The following MAGI1 variants were observed in gnomAD, a reference collection of about 807,000 sequenced individuals.
MAGI1 encodes membrane associated guanylate kinase, WW and PDZ domain containing 1.
Under a neutral mutation model 139.9 loss-of-function variants are expected in MAGI1, and 58 were observed. The observed-to-expected ratio is 0.41, with a 90% CI of 0.34 to 0.52. The LOEUF (loss-of-function observed/expected upper bound fraction) is 0.52, where lower values mean the gene tolerates loss of function less well. Among genes scored for constraint, MAGI1 ranks in the 20% least tolerant of loss-of-function variants. MAGI1 has a pLI of 0.12. For synonymous variants in MAGI1, 812 were observed against 737.9 expected (o/e 1.10, Z -1.63); for missense variants, 1,874 against 1,901.6 (o/e 0.99, Z 0.27).
At chr3:65,399,483 G>A (rs1944678490) in intron 13 of MAGI1, among the ~76,000 whole-genome samples, 1 of 152,198 alleles carries the variant, frequency 6.6e-6, no homozygotes, top group African/African-American at 2.4e-5. Context: ...GTGTGTGCCA[G>A]CAATGCTGTG....
At chr3:65,391,904 T>C (rs982849482) in intron 13 of MAGI1, among the ~76,000 whole-genome samples, 8 of 152,198 alleles carry the variant, frequency 5.3e-5, no homozygotes, top group African/African-American at 1.4e-4. Context: ...AAATCATGCC[T>C]AGTATTATAT....
intron 1 of MAGI1, among the ~76,000 whole-genome samples, chr3:65,967,736 C>T (rs1417209968): frequency 6.6e-6 from 1 of 152,234 alleles, no homozygotes; most frequent in Non-Finnish European, 1.5e-5. Flanking sequence ...CCAGGCCTGT[C>T]TTTAAGTACT....
chr3:65,854,127 A>T (rs1575717378), intron 1 of MAGI1, among the ~76,000 whole-genome samples: 2 of 151,902 alleles, frequency 1.3e-5, no homozygotes, highest in African/African-American at 4.8e-5. Context: ...AGTTGCCCTG[A>T]CAAAAACAGG....
chr3:65,567,136 G>A (rs1380834936), intron 2 of MAGI1, among the ~76,000 whole-genome samples: 1 of 152,126 alleles, frequency 6.6e-6, no homozygotes, highest in Non-Finnish European at 1.5e-5. Flanking sequence ...AAGAGGCCCA[G>A]GACACTCATA....
intron 2 of MAGI1, among the ~76,000 whole-genome samples, chr3:65,580,755 G>A (rs1164580350): frequency 6.6e-6 from 1 of 152,122 alleles, no homozygotes; most frequent in Non-Finnish European, 1.5e-5. Context: ...CTGACAAGTC[G>A]CTTCTATAAG....
chr3:65,895,444 T>G (rs1301515314), intron 1 of MAGI1, among the ~76,000 whole-genome samples: 1 of 152,208 alleles, frequency 6.6e-6, no homozygotes, highest in Non-Finnish European at 1.5e-5. Context: ...ACTGCCACCC[T>G]CAGGGTCAGA....
chr3:65,638,353 T>A (rs1347639789), intron 1 of MAGI1, among the ~76,000 whole-genome samples: 1 of 152,102 alleles, frequency 6.6e-6, no homozygotes, highest in Non-Finnish European at 1.5e-5. Flanking sequence ...AGAATTTTTT[T>A]TAAGATTCAT....
intron 1 of MAGI1, among the ~76,000 whole-genome samples, chr3:65,911,788 T>A (rs1041515047): frequency 6.6e-6 from 1 of 152,252 alleles, no homozygotes; most frequent in African/African-American, 2.4e-5. Flanking sequence ...TTTCCTAGCA[T>A]CAAACTTGGC....
At chr3:65,414,952 C>A (rs1169091036) in intron 12 of MAGI1, among the ~76,000 whole-genome samples, 1 of 149,602 alleles carries the variant, frequency 6.7e-6, no homozygotes, top group Admixed American at 6.7e-5. Flanking sequence ...TCGCTTGAAC[C>A]CGGGAGGCAG....
intron 1 of MAGI1, among the ~76,000 whole-genome samples, chr3:66,020,576 G>C (rs1423477240): frequency 6.6e-6 from 1 of 152,148 alleles, no homozygotes; most frequent in African/African-American, 2.4e-5. Context: ...GCAAATTACA[G>C]AGAAATTGGA....
At chr3:65,386,354 G>A (rs574637532) in intron 14 of MAGI1, among the ~76,000 whole-genome samples, 9 of 152,176 alleles carry the variant, frequency 5.9e-5, no homozygotes, top group Admixed American at 3.3e-4. Context: ...CACTAGGGAT[G>A]TTAAAGACAC....
chr3:66,026,841 G>A (rs1023525082), intron 1 of MAGI1, among the ~76,000 whole-genome samples: 8 of 94,114 alleles, frequency 8.5e-5, no homozygotes, highest in African/African-American at 2.7e-4. Flanking sequence ...TCTTCCGTGG[G>A]GTCACCAAGC....
At chr3:65,786,196 T>G (rs1000429512) in intron 1 of MAGI1, among the ~76,000 whole-genome samples, 2 of 151,628 alleles carry the variant, frequency 1.3e-5, no homozygotes, top group African/African-American at 4.8e-5. Flanking sequence ...CCTCAGGTGA[T>G]CTGGCCACCT....
chr3:65,535,915 T>G (rs1442317575), intron 2 of MAGI1, among the ~76,000 whole-genome samples: 1 of 152,146 alleles, frequency 6.6e-6, no homozygotes, highest in African/African-American at 2.4e-5. Context: ...AAGGACCATG[T>G]TGAATTTTTT....
chr3:65,523,854 CAAAT>C (rs1427227119), intron 2 of MAGI1, among the ~76,000 whole-genome samples: 1 of 152,136 alleles, frequency 6.6e-6, no homozygotes, highest in Non-Finnish European at 1.5e-5. Context: ...ATCACCAGCA[CAAAT>C]ACTTTCAGAG....
At chr3:65,945,377 G>A (rs535327177) in intron 1 of MAGI1, among the ~76,000 whole-genome samples, 3 of 152,286 alleles carry the variant, frequency 2.0e-5, no homozygotes, top group Admixed American at 1.3e-4. Flanking sequence ...AGATTCTGAG[G>A]CTGATGATCT....
intron 2 of MAGI1, among the ~76,000 whole-genome samples, chr3:65,518,715 T>C (rs551779885): frequency 1.3e-5 from 2 of 152,210 alleles, no homozygotes; most frequent in Non-Finnish European, 2.9e-5. Context: ...TTTCAGCAAA[T>C]ATGTACTAAA....
chr3:65,542,512 A>ATGTTT (rs2079285833), intron 2 of MAGI1, among the ~76,000 whole-genome samples: 1 of 152,222 alleles, frequency 6.6e-6, no homozygotes, highest in African/African-American at 2.4e-5. Flanking sequence ...CTATACTACA[A>ATGTTT]GGCTATAGTA....
chr3:65,864,448 C>T (rs2059653281), intron 1 of MAGI1, among the ~76,000 whole-genome samples: 2 of 152,196 alleles, frequency 1.3e-5, no homozygotes, highest in South Asian at 4.1e-4. Context: ...TCTTGCTTTG[C>T]TCACCAACTA....
Sources: allele counts gnomAD v4.1 joint callset (sites outside exome capture counted in the v4.1 genomes callset), GRCh38; gene constraint gnomAD v4.1.1; transcripts MANE v1.5; gene names NCBI Gene and HGNC (gene_info 2026-07-23, HGNC 2026-07-21).